The following CDH13 variants were observed in gnomAD, a reference collection of about 807,000 sequenced individuals.
CDH13 encodes the protein cadherin-13.
CDH13 carries 24 observed loss-of-function variants against 63.8 expected under a neutral mutation model. That is an observed-to-expected ratio of 0.38 (90% CI 0.27 to 0.53). The LOEUF is 0.53. CDH13 is among the 20% of genes least tolerant of loss of function. The pLI is 0.85. For missense variants in CDH13, 1,049 were observed against 903.1 expected, an observed-to-expected ratio of 1.16 and a Z score of -2.07; for synonymous variants, 503 against 355.3, an observed-to-expected ratio of 1.42 and a Z score of -4.67.
chr16:83,290,785 C>A (rs1019876569), intron 5 of CDH13, among the ~76,000 whole-genome samples: 3 of 152,166 alleles, frequency 2.0e-5, no homozygotes, highest in Admixed American at 6.5e-5. Context: ...ACTGTCCATG[C>A]ACGTGCACTT....
chr16:82,899,254 T>C (rs981108740), intron 2 of CDH13, among the ~76,000 whole-genome samples: 4 of 152,204 alleles, frequency 2.6e-5, no homozygotes, highest in Non-Finnish European at 5.9e-5. Flanking sequence ...AAGGGCAGTG[T>C]CAAATGAGTA....
At chr16:83,239,711 G>T (rs2151813240) in intron 5 of CDH13, among the ~76,000 whole-genome samples, 1 of 152,080 alleles carries the variant, frequency 6.6e-6, no homozygotes, top group East Asian at 1.9e-4. Context: ...ATACCTACTT[G>T]GCTCTTACTA....
At chr16:82,781,143 A>G (rs972513842) in intron 1 of CDH13, among the ~76,000 whole-genome samples, 10 of 152,258 alleles carry the variant, frequency 6.6e-5, no homozygotes, top group African/African-American at 2.2e-4. Flanking sequence ...CTGAAGAATA[A>G]AAGTGGCAGT....
intron 2 of CDH13, among the ~76,000 whole-genome samples, chr16:82,916,897 A>G (rs1991027): frequency 0.066 from 10,072 of 152,310 alleles, 574 homozygotes; most frequent in Non-Finnish European, 0.099. Context: ...ATAAAATGAA[A>G]TTGACCAAAG....
At chr16:83,762,753 C>G (rs1332913882) in intron 11 of CDH13, among the ~76,000 whole-genome samples, 1 of 152,174 alleles carries the variant, frequency 6.6e-6, no homozygotes, top group Non-Finnish European at 1.5e-5. Flanking sequence ...TACTGGTAAC[C>G]TAATCTTTCC....
chr16:83,747,065 C>G (rs1329390445), intron 10 of CDH13, among the ~76,000 whole-genome samples: 1 of 152,220 alleles, frequency 6.6e-6, no homozygotes, highest in African/African-American at 2.4e-5. Context: ...CCTCTACTTT[C>G]TAGTCCCTAA....
intron 2 of CDH13, among the ~76,000 whole-genome samples, chr16:83,023,936 T>A (rs766988927): frequency 6.6e-6 from 1 of 152,262 alleles, no homozygotes; most frequent in Non-Finnish European, 1.5e-5. Flanking sequence ...TTATCAGAGC[T>A]GTCCTTTAGA....
intron 5 of CDH13, among the ~76,000 whole-genome samples, chr16:83,241,511 T>G (rs1414417488): frequency 6.6e-6 from 1 of 152,224 alleles, no homozygotes; most frequent in Non-Finnish European, 1.5e-5. Context: ...GTTTACTTGA[T>G]AGTGGACATT....
At chr16:83,022,857 C>T (rs944488451) in intron 2 of CDH13, among the ~76,000 whole-genome samples, 5 of 152,210 alleles carry the variant, frequency 3.3e-5, no homozygotes, top group Non-Finnish European at 7.3e-5. Flanking sequence ...TTGGCCCAAG[C>T]ACGCTTATAA....
intron 4 of CDH13, among the ~76,000 whole-genome samples, chr16:83,216,448 A>ACATACACAC (rs2039532378): frequency 2.6e-5 from 3 of 115,680 alleles, no homozygotes; most frequent in Admixed American, 9.3e-5. Context: ...ATATATACAC[A>ACATACACAC]ACCCTAATTT....
intron 7 of CDH13, among the ~76,000 whole-genome samples, chr16:83,556,622 T>C (rs2075607769): frequency 6.6e-6 from 1 of 152,212 alleles, no homozygotes; most frequent in Non-Finnish European, 1.5e-5. Context: ...ATCACCACAT[T>C]CTTCTCCTTG....
At chr16:83,059,793 G>GTTTTTTTTTTTTTT (rs66521965) in intron 3 of CDH13, among the ~76,000 whole-genome samples, 1 of 113,106 alleles carries the variant, frequency 8.8e-6, no homozygotes, top group Non-Finnish European at 1.8e-5. Context: ...TTTTTTGTTT[G>GTTTTTTTTTTTTTT]TTTTTTTTTT....
intron 11 of CDH13, among the ~76,000 whole-genome samples, chr16:83,767,610 G>C (rs998525042): frequency 6.6e-6 from 1 of 152,154 alleles, no homozygotes; most frequent in Non-Finnish European, 1.5e-5. Flanking sequence ...ATGTCCATCA[G>C]CTGGTGAGTA....
At chr16:83,502,458 C>T (rs2074304239) in intron 7 of CDH13, among the ~76,000 whole-genome samples, 1 of 152,098 alleles carries the variant, frequency 6.6e-6, no homozygotes, top group Non-Finnish European at 1.5e-5. Context: ...GATTTTAGCC[C>T]ACTGAGACCC....
At chr16:83,745,106 G>A (rs1836307733) in intron 10 of CDH13, among the ~76,000 whole-genome samples, 1 of 152,198 alleles carries the variant, frequency 6.6e-6, no homozygotes, top group Admixed American at 6.5e-5. Flanking sequence ...AGGCATAGAT[G>A]CTGGAAGCTC....
chr16:83,382,990 C>G (rs1171804690), intron 6 of CDH13: 1 of 152,250 alleles, frequency 6.6e-6, no homozygotes, highest in East Asian at 1.9e-4. Context: ...AGTCAAAAAT[C>G]TTGAAAGAGC....
intron 5 of CDH13, among the ~76,000 whole-genome samples, chr16:83,280,112 G>A (rs2089122311): frequency 6.6e-6 from 1 of 152,120 alleles, no homozygotes; most frequent in Admixed American, 6.5e-5. Flanking sequence ...CAACAATGAA[G>A]TTTGTAACAT....
At chr16:83,465,140 G>T (rs1404967946) in intron 6 of CDH13, among the ~76,000 whole-genome samples, 4 of 152,160 alleles carry the variant, frequency 2.6e-5, no homozygotes, top group Non-Finnish European at 5.9e-5. Context: ...ATTAATCAAC[G>T]AGCTAAACAA....
intron 6 of CDH13, among the ~76,000 whole-genome samples, chr16:83,392,802 T>G (rs1427356401): frequency 6.6e-6 from 1 of 152,104 alleles, no homozygotes; most frequent in South Asian, 2.1e-4. Flanking sequence ...CTTTAAATTA[T>G]GTAGGAAATA....
Sources: allele counts gnomAD v4.1 joint callset (sites outside exome capture counted in the v4.1 genomes callset), GRCh38; gene constraint gnomAD v4.1.1; transcripts MANE v1.5; gene names NCBI Gene and HGNC (gene_info 2026-07-23, HGNC 2026-07-21).